Variants in FOXN3 observed in about 807,000 individuals in gnomAD.
The protein encoded by FOXN3 is forkhead box protein N3.
A neutral mutation model predicts 38.4 loss-of-function variants in FOXN3; 7 were observed. That is an observed-to-expected ratio of 0.18 (90% CI 0.10 to 0.34). FOXN3 has a LOEUF of 0.34. Ranked by LOEUF, FOXN3 falls within the 10% of genes least tolerant of loss-of-function variation. The pLI is 1.00. For missense variants in FOXN3, 456 were observed against 613.4 expected, an observed-to-expected ratio of 0.74 and a Z score of 2.71; for synonymous variants, 230 against 242.2, an observed-to-expected ratio of 0.95 and a Z score of 0.47.
chr14:89,410,780 C>G (rs777645522), intron 2 of FOXN3, among the ~76,000 whole-genome samples: 6 of 151,160 alleles, frequency 4.0e-5, no homozygotes, highest in African/African-American at 1.5e-4. Context: ...GGCTGAGATG[C>G]GAGGATCACT....
intron 2 of FOXN3, among the ~76,000 whole-genome samples, chr14:89,363,468 G>A (rs1036898374): frequency 4.6e-5 from 7 of 151,996 alleles, no homozygotes; most frequent in African/African-American, 1.4e-4. Flanking sequence ...AGGGGATCAA[G>A]TGGTATGGTT....
Position 89,289,636 on chromosome 14 carries a change from G to C in FOXN3, c.681-8622C>G, listed in dbSNP as rs144834718. On this transcript the variant is annotated intron_variant, in intron 3 of 5. Coordinates refer to ENST00000557258, the MANE Select transcript of FOXN3 (RefSeq NM_005197.4). ...GTTTTTAGTAACTATAAAGAATATA[G>C]GTCTTTCAAGGACAAAGAACCTGAA... Among the ~76,000 whole-genome samples, 380 of 152,240 alleles carry C rather than the reference G, an allele frequency of 2.5e-3. 3 individuals carry two copies. The highest frequency in any genetic ancestry group is 8.7e-3 in the African/African-American group (363 of 41,550).
At chr14:89,516,328 T>C (rs894647019) in intron 1 of FOXN3, among the ~76,000 whole-genome samples, 6 of 152,154 alleles carry the variant, frequency 3.9e-5, no homozygotes, top group Non-Finnish European at 8.8e-5. Flanking sequence ...ACAGGCCAGA[T>C]GGAAATGGAG....
intron 3 of FOXN3, among the ~76,000 whole-genome samples, chr14:89,306,272 G>A (rs1176925188): frequency 6.6e-6 from 1 of 151,822 alleles, no homozygotes; most frequent in African/African-American, 2.4e-5. Context: ...TCCCCAAGAG[G>A]GGAGCTGAAG....
At chr14:89,271,483 A>C (rs1039202659) in intron 4 of FOXN3, among the ~76,000 whole-genome samples, 1 of 152,228 alleles carries the variant, frequency 6.6e-6, no homozygotes, top group South Asian at 2.1e-4. Context: ...TCAAAAATTA[A>C]ATAAGGAAAG....
At chr14:89,229,051 G>A (rs1207338107) in intron 4 of FOXN3, among the ~76,000 whole-genome samples, 3 of 152,076 alleles carry the variant, frequency 2.0e-5, no homozygotes, top group Admixed American at 2.0e-4. Flanking sequence ...ACCAGGCCTC[G>A]TAATAAGCAA....
intron 1 of FOXN3, among the ~76,000 whole-genome samples, chr14:89,571,458 G>C (rs1042659127): frequency 1.7e-4 from 26 of 150,898 alleles, no homozygotes; most frequent in African/African-American, 6.1e-4. Context: ...GCAGCGAGCC[G>C]AGATTGTGCC....
At chr14:89,419,299 G>T, upstream of FOXN3, 1 of 435,360 alleles carries the variant, frequency 2.3e-6, no homozygotes, top group Non-Finnish European at 4.6e-6. Context: ...CCAAAGGAGG[G>T]CTTAATGTGG....
chr14:89,607,021 GAAAATT>G (rs1182760107), intron 1 of FOXN3, among the ~76,000 whole-genome samples: 2 of 152,018 alleles, frequency 1.3e-5, no homozygotes, highest in African/African-American at 4.8e-5. Context: ...TAATAACCAA[GAAAATT>G]AAAATTAAAA....
At chr14:89,268,625 C>T (rs1426266853) in intron 4 of FOXN3, among the ~76,000 whole-genome samples, 2 of 152,192 alleles carry the variant, frequency 1.3e-5, no homozygotes, top group Non-Finnish European at 2.9e-5. Context: ...TTCCCGTACC[C>T]CAGCAGATTC....
chr14:89,432,072 A>G (rs1305685413), intron 1 of FOXN3, among the ~76,000 whole-genome samples: 2 of 152,198 alleles, frequency 1.3e-5, no homozygotes, highest in Admixed American at 1.3e-4. Context: ...ATTCCAACCA[A>G]AGAAATAGGA....
Position 89,283,999 on chromosome 14 carries a change from T to C in FOXN3, c.681-2985A>G, listed in dbSNP as rs1311372210. 2.0e-5 allele frequency among the ~76,000 whole-genome samples: 3 copies of C among 152,080 alleles called. No individual in the cohort carries two copies. In the East Asian group the frequency reaches 5.8e-4, roughly 29 times the overall value. ...CCTCAGCCTCCTGGGTAGCTGGGAT[T>C]ACAGGCACCTGCCAGCAAGCCCGGC... is the stretch of plus-strand genomic sequence containing the variant. On this transcript the variant is annotated intron_variant, in intron 3 of 5. Transcript: ENST00000557258.
chr14:89,491,878 C>T (rs1045205973), intron 1 of FOXN3, among the ~76,000 whole-genome samples: 12 of 152,230 alleles, frequency 7.9e-5, no homozygotes, highest in African/African-American at 2.9e-4. Context: ...CAAGATTTCA[C>T]ATTCCAATGA....
chr14:89,462,724 G>A (rs1302383739), intron 1 of FOXN3, among the ~76,000 whole-genome samples: 4 of 148,164 alleles, frequency 2.7e-5, no homozygotes, highest in Non-Finnish European at 5.9e-5. Flanking sequence ...TCGCTCTGTC[G>A]CCCCGGCTTG....
At chr14:89,314,221 T>C (rs1363405973) in intron 3 of FOXN3, among the ~76,000 whole-genome samples, 1 of 152,234 alleles carries the variant, frequency 6.6e-6, no homozygotes, top group African/African-American at 2.4e-5. Context: ...AACTGTTTTA[T>C]TGTTTGACCA....
intron 3 of FOXN3, among the ~76,000 whole-genome samples, chr14:89,346,521 A>T: frequency 6.6e-6 from 1 of 152,158 alleles, no homozygotes; most frequent in East Asian, 1.9e-4. Flanking sequence ...TCCCATGACT[A>T]GACAGGGGTT....
chr14:89,334,380 C>T (rs1405564441), intron 3 of FOXN3, among the ~76,000 whole-genome samples: 1 of 152,052 alleles, frequency 6.6e-6, no homozygotes, highest in Non-Finnish European at 1.5e-5. Flanking sequence ...GAGGATGAGG[C>T]AGGTGGATCA....
chr14:89,236,739 G>A (rs1293609673), intron 4 of FOXN3, among the ~76,000 whole-genome samples: 2 of 152,208 alleles, frequency 1.3e-5, no homozygotes, highest in Non-Finnish European at 2.9e-5. Flanking sequence ...GATTAAAAAT[G>A]CTCTAGCTGT....
chr14:89,217,111 A>G (rs1203229784), intron 4 of FOXN3, among the ~76,000 whole-genome samples: 1 of 151,392 alleles, frequency 6.6e-6, no homozygotes, highest in Non-Finnish European at 1.5e-5. Context: ...TAGGAAAATG[A>G]CAAGGGTGTG....
Sources: gnomAD v4.1 joint callset for allele counts (sites outside exome capture counted in the v4.1 genomes callset) on GRCh38, gnomAD v4.1.1 for gene constraint, MANE v1.5 for transcripts, NCBI Gene and HGNC (gene_info 2026-07-23, HGNC 2026-07-21) for gene names.